LY6S: variants seen among roughly 807,000 people sequenced by gnomAD.
LY6S encodes lymphocyte antigen 6 family member S.
the LY6S span, among the ~76,000 whole-genome samples, chr8:143,067,175 G>A: frequency 6.6e-6 from 1 of 152,198 alleles, no homozygotes. Context: ...GTGGGGAAAA[G>A]AAAGAGAGAT....
chr8:143,063,452 G>A, the LY6S span, among the ~76,000 whole-genome samples: 13 of 152,276 alleles, frequency 8.5e-5, no homozygotes, highest in Non-Finnish European at 1.5e-4. Context: ...CAGGGCTCTC[G>A]TAAGGGCAAT....
At chr8:143,067,400 G>C in the LY6S span, among the ~76,000 whole-genome samples, 1 of 152,170 alleles carries the variant, frequency 6.6e-6, no homozygotes, top group African/African-American at 2.4e-5. Flanking sequence ...CAGTGTGCTT[G>C]GTAAAAGTCA....
chr8:143,073,371 T>TTC, the LY6S span, among the ~76,000 whole-genome samples: 5 of 93,166 alleles, frequency 5.4e-5, no homozygotes, highest in Admixed American at 1.1e-4. Flanking sequence ...TCCCCGGGGC[T>TTC]CCTGTTTGAG....
At chr8:143,054,692 T>C in the LY6S span, among the ~76,000 whole-genome samples, 7 of 152,130 alleles carry the variant, frequency 4.6e-5, no homozygotes, top group African/African-American at 1.7e-4. Flanking sequence ...AACTCCACAC[T>C]GGCTACTACG....
At chr8:143,067,382 T>A in the LY6S span, among the ~76,000 whole-genome samples, 1 of 152,226 alleles carries the variant, frequency 6.6e-6, no homozygotes, top group Non-Finnish European at 1.5e-5. Flanking sequence ...TGTTAACATG[T>A]TTGCAGGCAG....
At chr8:143,067,585 C>T in the LY6S span, among the ~76,000 whole-genome samples, 1 of 152,206 alleles carries the variant, frequency 6.6e-6, no homozygotes, top group African/African-American at 2.4e-5. Context: ...AGGAGACCGG[C>T]ACTTAACATG....
chr8:143,065,964 C>A, the LY6S span: 1 of 320,008 alleles, frequency 3.1e-6, no homozygotes, highest in East Asian at 9.1e-5. Context: ...AGGTCTAAAT[C>A]GAGGCGGGGG....
At chr8:143,057,935 C>A in the LY6S span, 358 of 565,084 alleles carry the variant, frequency 6.3e-4, no homozygotes, top group Non-Finnish European at 6.7e-5. Context: ...TGCGGGTGGT[C>A]TCAGCGTCGT....
chr8:143,072,253 G>A, the LY6S span, among the ~76,000 whole-genome samples: 4 of 147,290 alleles, frequency 2.7e-5, no homozygotes, highest in East Asian at 4.1e-4. Flanking sequence ...CGGGGTCCCT[G>A]TTTGAGGAGA....
At chr8:143,070,974 G>A in the LY6S span, among the ~76,000 whole-genome samples, 1 of 151,638 alleles carries the variant, frequency 6.6e-6, no homozygotes, top group Non-Finnish European at 1.5e-5. Flanking sequence ...TGATCAGAGT[G>A]TGGTGGGGAA....
At chr8:143,045,946 C>T in the LY6S span, among the ~76,000 whole-genome samples, 1 of 152,048 alleles carries the variant, frequency 6.6e-6, no homozygotes, top group Non-Finnish European at 1.5e-5. This position sits in a 1 kb window ranked among gnomAD's most constrained non-coding sequence, Gnocchi z 5.3. Context: ...CTCTGCTTCC[C>T]AGGTTCAAGC....
chr8:143,060,645 G>A, the LY6S span, among the ~76,000 whole-genome samples: 10 of 152,228 alleles, frequency 6.6e-5, no homozygotes, highest in South Asian at 2.1e-4. Flanking sequence ...ATAACGGCAC[G>A]GCCAGGCATT....
chr8:143,049,115 G>A, the LY6S span: 5 of 530,452 alleles, frequency 9.4e-6, no homozygotes, highest in Admixed American at 9.8e-5. Context: ...TTTCATGGGG[G>A]TTCAAGGGGA....
chr8:143,075,211 T>G, the LY6S span, among the ~76,000 whole-genome samples: 2 of 152,188 alleles, frequency 1.3e-5, no homozygotes, highest in African/African-American at 4.8e-5. The surrounding 1 kb of genome is among the most constrained non-coding windows in gnomAD (Gnocchi z 4.1). Flanking sequence ...GCTGTGCTGA[T>G]TTTTCTGTTT....
the LY6S span, among the ~76,000 whole-genome samples, chr8:143,060,450 C>T: frequency 1.2e-4 from 19 of 152,200 alleles, no homozygotes; most frequent in East Asian, 3.3e-3. Flanking sequence ...AAAGTATTAA[C>T]GTCTTTGATC....
chr8:143,064,163 T>C, the LY6S span, among the ~76,000 whole-genome samples: 1 of 152,178 alleles, frequency 6.6e-6, no homozygotes, highest in Non-Finnish European at 1.5e-5. Context: ...CATTGTTAGC[T>C]CCCTTCAACA....
At chr8:143,060,631 A>G in the LY6S span, among the ~76,000 whole-genome samples, 2 of 152,304 alleles carry the variant, frequency 1.3e-5, no homozygotes, top group African/African-American at 4.8e-5. Context: ...CTTATATACA[A>G]TAAATAACGG....
At chr8:143,043,965 G>A in the LY6S span, among the ~76,000 whole-genome samples, 14 of 152,212 alleles carry the variant, frequency 9.2e-5, no homozygotes, top group African/African-American at 2.4e-4. Flanking sequence ...ATGAGCCACC[G>A]TGCCCGGCCA....
At chr8:143,071,707 C>T in the LY6S span, among the ~76,000 whole-genome samples, 2 of 152,300 alleles carry the variant, frequency 1.3e-5, no homozygotes, top group Middle Eastern at 3.4e-3. Context: ...CCCACTGTCA[C>T]TCTCTACAGC....
Sources: gnomAD v4.1 joint callset for allele counts (sites outside exome capture counted in the v4.1 genomes callset) on GRCh38, gnomAD v4.1.1 for gene constraint, Gnocchi (gnomAD v3.1) non-coding constraint, MANE v1.5 for transcripts, NCBI Gene and HGNC (gene_info 2026-07-23, HGNC 2026-07-21) for gene names.